Variants in SORCS2 observed in about 807,000 individuals in gnomAD.
SORCS2 encodes sortilin related VPS10 domain containing receptor 2, also known as VPS10 domain-containing receptor SorCS2.
Under a neutral mutation model 141.6 loss-of-function variants are expected in SORCS2, and 100 were observed. The observed-to-expected ratio is 0.71, with a 90% CI of 0.60 to 0.83. SORCS2 has a LOEUF of 0.83. Ranked by LOEUF, SORCS2 falls within the 40% of genes least tolerant of loss-of-function variation. The pLI is 0.00. For missense variants in SORCS2, 1,646 were observed against 1,560.2 expected (o/e 1.05, Z -0.93); for synonymous variants, 789 against 676.9 (o/e 1.17, Z -2.57).
At chr4:7,583,505 T>C (rs1716317569) in intron 3 of SORCS2, among the ~76,000 whole-genome samples, 1 of 152,188 alleles carries the variant, frequency 6.6e-6, no homozygotes, top group Non-Finnish European at 1.5e-5. Flanking sequence ...TCTTTAATTG[T>C]AGCTCCCATA....
At chr4:7,520,901 G>A (rs4689774) in intron 2 of SORCS2, among the ~76,000 whole-genome samples, 48,428 of 152,130 alleles carry the variant, frequency 0.32, 7,891 homozygotes, top group Admixed American at 0.36. Context: ...TGCCCAGGAC[G>A]TGCAGGGTGG....
At chr4:7,565,749 AGTGATG>A (rs1296733972) in intron 3 of SORCS2, among the ~76,000 whole-genome samples, 6 of 147,312 alleles carry the variant, frequency 4.1e-5, no homozygotes, top group African/African-American at 1.5e-4. Context: ...ATGATGTGAA[AGTGATG>A]GTGATGGTGT....
chr4:7,499,661 C>A (rs1731839759), intron 2 of SORCS2, among the ~76,000 whole-genome samples: 1 of 150,788 alleles, frequency 6.6e-6, no homozygotes, highest in South Asian at 2.1e-4. Context: ...TGGCCATCCC[C>A]CCTCATTTTG....
intron 17 of SORCS2, among the ~76,000 whole-genome samples, chr4:7,717,699 T>A (rs537160524): frequency 2.0e-5 from 3 of 150,774 alleles, no homozygotes; most frequent in Non-Finnish European, 4.4e-5. Context: ...AAACAGCCCC[T>A]CTGCAGCACT....
At chr4:7,429,861 TCCA>T (rs1439140972) in intron 2 of SORCS2, among the ~76,000 whole-genome samples, 1 of 152,176 alleles carries the variant, frequency 6.6e-6, no homozygotes, top group African/African-American at 2.4e-5. Context: ...GGTTTCAGCA[TCCA>T]CCTCTGGGGA....
intron 2 of SORCS2, among the ~76,000 whole-genome samples, chr4:7,439,357 A>G (rs1325398309): frequency 3.3e-5 from 5 of 152,100 alleles, no homozygotes; most frequent in Non-Finnish European, 7.4e-5. Context: ...CCCTTACTGA[A>G]CCCTAGAATA....
chr4:7,196,687 C>T (rs1052098315), intron 1 of SORCS2, among the ~76,000 whole-genome samples: 54 of 143,874 alleles, frequency 3.8e-4, no homozygotes, highest in African/African-American at 1.3e-3. Flanking sequence ...CTCTGTGCTG[C>T]GCCTACATGG....
rs577410431 is a variant in SORCS2, at chr4:7,701,222, A to G, written c.1669-2058A>G. On this transcript the variant is annotated intron_variant, in intron 12 of 26. Coordinates refer to ENST00000507866, the MANE Select transcript of SORCS2 (RefSeq NM_020777.3). ...GAGGGGAAGAGGGAGAGAAGGGGGA[A>G]GGGAGGGAGAGAGAGAAAAAAGGAG... Among the ~76,000 whole-genome samples the G allele has an allele frequency of 9.3e-5, 13 of 139,728 alleles. No homozygotes were observed. In the South Asian group the frequency reaches 3.3e-3, roughly 36 times the overall value. 91.7% of individuals were successfully genotyped at this position (139,728 alleles called of 152,430 possible).
intron 3 of SORCS2, among the ~76,000 whole-genome samples, chr4:7,539,680 A>C (rs202194014): frequency 6.5e-4 from 87 of 134,226 alleles, no homozygotes; most frequent in East Asian, 1.5e-3. Context: ...CAAGGCCCCG[A>C]CCCCCGTTAT....
At chr4:7,255,470 G>C (rs907196947) in intron 1 of SORCS2, among the ~76,000 whole-genome samples, 3 of 152,268 alleles carry the variant, frequency 2.0e-5, no homozygotes, top group African/African-American at 7.2e-5. Context: ...GATGGCGTTG[G>C]AGAGAGGGTG....
intron 3 of SORCS2, among the ~76,000 whole-genome samples, chr4:7,636,225 G>A (rs1720243462): frequency 7.0e-6 from 1 of 143,050 alleles, no homozygotes; most frequent in African/African-American, 2.5e-5. Context: ...GCTCCAAAGG[G>A]AGACTTCCTT....
intron 1 of SORCS2, among the ~76,000 whole-genome samples, chr4:7,213,939 G>A (rs1728186238): frequency 6.6e-6 from 1 of 152,254 alleles, no homozygotes. Context: ...CCCTGCCCCA[G>A]AGCTGTGAGG....
intron 1 of SORCS2, among the ~76,000 whole-genome samples, chr4:7,314,150 CG>C (rs1037064179): frequency 2.0e-5 from 3 of 152,060 alleles, no homozygotes; most frequent in Non-Finnish European, 2.9e-5. Flanking sequence ...CTGTGCCGTG[CG>C]GTGAGGGGGT....
At chr4:7,679,749 CTTT>C (rs55936772) in intron 9 of SORCS2, among the ~76,000 whole-genome samples, 5,847 of 141,206 alleles carry the variant, frequency 0.041, 349 homozygotes, top group African/African-American at 0.13. Flanking sequence ...ACTTGTGGGA[CTTT>C]TTTTTTTTTT....
chr4:7,543,838 ATCCACTCATCCG>A (rs1374913711), intron 3 of SORCS2, among the ~76,000 whole-genome samples: 1,524 of 102,206 alleles, frequency 0.015, 126 homozygotes, highest in Non-Finnish European at 0.02. Context: ...CTGTCCATCC[ATCCACTCATCCG>A]TCCATCCATC....
intron 1 of SORCS2, among the ~76,000 whole-genome samples, chr4:7,379,052 C>G (rs1006433492): frequency 6.6e-6 from 1 of 152,192 alleles, no homozygotes; most frequent in Non-Finnish European, 1.5e-5. Flanking sequence ...ACGCTGATCA[C>G]GCACATCTAA....
At chr4:7,313,254 G>T (rs991866013) in intron 1 of SORCS2, among the ~76,000 whole-genome samples, 1 of 152,266 alleles carries the variant, frequency 6.6e-6, no homozygotes, top group Non-Finnish European at 1.5e-5. Context: ...CTGTGGGCAT[G>T]ATCTGGTTTG....
intron 3 of SORCS2, among the ~76,000 whole-genome samples, chr4:7,575,100 C>T (rs1715664588): frequency 6.6e-6 from 1 of 152,208 alleles, no homozygotes. Flanking sequence ...CCACGTGGCC[C>T]TCTGGGCTTC....
chr4:7,452,227 G>T (rs1407038361), intron 2 of SORCS2, among the ~76,000 whole-genome samples: 2 of 151,812 alleles, frequency 1.3e-5, no homozygotes, highest in African/African-American at 4.8e-5. Flanking sequence ...TGCAACCTCT[G>T]CCTCCTATGT....
Sources: gnomAD v4.1 joint callset for allele counts (sites outside exome capture counted in the v4.1 genomes callset) on GRCh38, gnomAD v4.1.1 for gene constraint, MANE v1.5 for transcripts, NCBI Gene and HGNC (gene_info 2026-07-23, HGNC 2026-07-21) for gene names.